Variants in SNX29 observed in about 807,000 individuals in gnomAD.
The protein encoded by SNX29 is sorting nexin-29.
A neutral mutation model predicts 102.1 loss-of-function variants in SNX29; 78 were observed. The observed-to-expected ratio is 0.76, with a 90% CI of 0.64 to 0.92. SNX29 has a LOEUF of 0.92. SNX29 is among the 40% of genes least tolerant of loss of function. The pLI is 0.00. For missense variants in SNX29, 1,280 were observed against 1,061.7 expected, an observed-to-expected ratio of 1.21 and a Z score of -2.86; for synonymous variants, 580 against 414.5, an observed-to-expected ratio of 1.40 and a Z score of -4.85.
chr16:12,022,895 C>CTTT (rs34712388), intron 3 of SNX29, among the ~76,000 whole-genome samples: 4 of 124,158 alleles, frequency 3.2e-5, no homozygotes, highest in East Asian at 4.2e-4. Flanking sequence ...TACCTTATTC[C>CTTT]TTTTTTTTTT....
At chr16:12,368,880 G>C (rs1424510228) in intron 16 of SNX29, among the ~76,000 whole-genome samples, 1 of 152,192 alleles carries the variant, frequency 6.6e-6, no homozygotes, top group Non-Finnish European at 1.5e-5. Flanking sequence ...ATTCCTTCTT[G>C]AAATGGCCTC....
chr16:12,459,768 G>GC (rs2086699318), intron 18 of SNX29, among the ~76,000 whole-genome samples: 1 of 152,190 alleles, frequency 6.6e-6, no homozygotes. Context: ...CACTGGTCCT[G>GC]CCCCTCAGGA....
At chr16:12,073,105 C>G (rs1208400936) in intron 10 of SNX29, among the ~76,000 whole-genome samples, 2 of 151,838 alleles carry the variant, frequency 1.3e-5, no homozygotes, top group Non-Finnish European at 2.9e-5. Context: ...TTTGTTGATC[C>G]TTTCAAAAAA....
chr16:12,513,940 C>G (rs77286403), intron 19 of SNX29, among the ~76,000 whole-genome samples: 3,278 of 152,256 alleles, frequency 0.022, 77 homozygotes, highest in East Asian at 0.095. Context: ...AATTAGCAAC[C>G]GCACAGTGGG....
chr16:12,564,578 A>G (rs1384567392), intron 20 of SNX29, among the ~76,000 whole-genome samples: 2 of 152,148 alleles, frequency 1.3e-5, no homozygotes, highest in Non-Finnish European at 2.9e-5. Context: ...TGCCATCCAG[A>G]CGCCCCTTTT....
chr16:12,157,085 G>C (rs2055583762), intron 13 of SNX29, among the ~76,000 whole-genome samples: 1 of 152,170 alleles, frequency 6.6e-6, no homozygotes, highest in African/African-American at 2.4e-5. Context: ...GTCAGGAAAG[G>C]GGATTTCTTG....
chr16:12,114,795 G>T (rs1389483387), intron 11 of SNX29, among the ~76,000 whole-genome samples: 1 of 152,050 alleles, frequency 6.6e-6, no homozygotes, highest in Non-Finnish European at 1.5e-5. Context: ...CAGCATGTTG[G>T]CCAGGCTGGT....
intron 20 of SNX29, among the ~76,000 whole-genome samples, chr16:12,534,390 CT>C (rs2077014311): frequency 6.6e-6 from 1 of 152,220 alleles, no homozygotes; most frequent in Non-Finnish European, 1.5e-5. Context: ...GTGGCAGCTT[CT>C]TTTGCTTCTT....
At chr16:12,355,841 A>AT (rs202163369) in intron 15 of SNX29, among the ~76,000 whole-genome samples, 12 of 39,656 alleles carry the variant, frequency 3.0e-4, no homozygotes, top group East Asian at 1.4e-3. Context: ...GCGAGATCTT[A>AT]TTAAAAAAAA....
intron 16 of SNX29, among the ~76,000 whole-genome samples, chr16:12,391,875 TGC>T (rs1423181779): frequency 1.3e-5 from 2 of 152,182 alleles, no homozygotes; most frequent in African/African-American, 4.8e-5. Context: ...GATTTAAAAT[TGC>T]GTGATTGTTA....
chr16:12,452,198 C>T (rs924955412), intron 18 of SNX29, among the ~76,000 whole-genome samples: 2 of 152,248 alleles, frequency 1.3e-5, no homozygotes, highest in Middle Eastern at 3.4e-3. Context: ...GAGATAATGC[C>T]CTTCAGTGAT....
intron 4 of SNX29, among the ~76,000 whole-genome samples, chr16:12,037,510 A>C (rs146635601): frequency 0.012 from 1,799 of 152,242 alleles, 35 homozygotes; most frequent in African/African-American, 0.041. Flanking sequence ...ATTAAAAAAA[A>C]CGAAAGTTGC....
chr16:12,265,976 T>A (rs1257685197), intron 14 of SNX29, among the ~76,000 whole-genome samples: 2 of 152,108 alleles, frequency 1.3e-5, no homozygotes, highest in Admixed American at 1.3e-4. Flanking sequence ...CTCACAAGAG[T>A]TACCATTATC....
chr16:12,141,731 T>C (rs1456916005), intron 13 of SNX29, among the ~76,000 whole-genome samples: 1 of 152,214 alleles, frequency 6.6e-6, no homozygotes, highest in African/African-American at 2.4e-5. Flanking sequence ...GCATTCTAAT[T>C]AGCACATAAT....
At chr16:12,346,164 C>T (rs1037793725) in intron 15 of SNX29, among the ~76,000 whole-genome samples, 1 of 151,856 alleles carries the variant, frequency 6.6e-6, no homozygotes, top group Non-Finnish European at 1.5e-5. Context: ...AGCAGGGAGG[C>T]GGTGGTGTTT....
chr16:12,019,348 C>G (rs950550548), intron 3 of SNX29, among the ~76,000 whole-genome samples: 2 of 152,048 alleles, frequency 1.3e-5, no homozygotes, highest in African/African-American at 4.8e-5. Flanking sequence ...GCTGGGACTA[C>G]AGGCCCGCCA....
At chr16:12,153,008 A>T (rs1306663186) in intron 13 of SNX29, among the ~76,000 whole-genome samples, 1 of 152,176 alleles carries the variant, frequency 6.6e-6, no homozygotes, top group East Asian at 1.9e-4. Context: ...GGTGGTTTTT[A>T]TACTTGGTGA....
intron 1 of SNX29, among the ~76,000 whole-genome samples, chr16:11,994,556 G>A (rs2055984520): frequency 6.6e-6 from 1 of 152,220 alleles, no homozygotes; most frequent in Non-Finnish European, 1.5e-5. Context: ...CTTCCCATGA[G>A]TCTAGCCCTG....
chr16:12,465,806 C>A (rs2087023022), intron 18 of SNX29, among the ~76,000 whole-genome samples: 1 of 149,830 alleles, frequency 6.7e-6, no homozygotes, highest in Non-Finnish European at 1.5e-5. Context: ...TTCTTCTAGT[C>A]CATAAACTTG....
Sources: gnomAD v4.1 joint callset for allele counts (sites outside exome capture counted in the v4.1 genomes callset) on GRCh38, gnomAD v4.1.1 for gene constraint, MANE v1.5 for transcripts, NCBI Gene and HGNC (gene_info 2026-07-23, HGNC 2026-07-21) for gene names.